Variants in RBFOX1 observed in about 807,000 individuals in gnomAD.
RBFOX1 encodes RNA binding protein fox-1 homolog 1.
A neutral mutation model predicts 57.7 loss-of-function variants in RBFOX1; 8 were observed. The ratio of observed to expected loss-of-function variants is 0.14; its 90% CI spans 0.08 to 0.25. The LOEUF (loss-of-function observed/expected upper bound fraction) is 0.25, where lower values mean the gene tolerates loss of function less well. Ranked by LOEUF, RBFOX1 falls within the 10% of genes least tolerant of loss-of-function variation. RBFOX1 has a pLI of 1.00. For synonymous variants in RBFOX1, 326 were observed against 222.4 expected (o/e 1.47, Z -4.15); for missense variants, 611 against 548.5 (o/e 1.11, Z -1.14).
At chr16:6,377,330 C>A (rs963174140) in intron 2 of RBFOX1, among the ~76,000 whole-genome samples, 1 of 151,748 alleles carries the variant, frequency 6.6e-6, no homozygotes. Flanking sequence ...GTATTTAGGC[C>A]TCATCTTAAT....
At chr16:6,489,652 G>T (rs1187860880) in intron 2 of RBFOX1, among the ~76,000 whole-genome samples, 1 of 152,146 alleles carries the variant, frequency 6.6e-6, no homozygotes. Context: ...GACGTTTTTA[G>T]TCTCATTTTG....
At chr16:7,188,966 A>C (rs1237288018) in intron 4 of RBFOX1, among the ~76,000 whole-genome samples, 2 of 152,110 alleles carry the variant, frequency 1.3e-5, no homozygotes, top group African/African-American at 4.8e-5. Context: ...AGCTTGATAA[A>C]CCACTCAAGG....
chr16:7,437,568 T>G (rs756500158), intron 4 of RBFOX1, among the ~76,000 whole-genome samples: 1 of 152,188 alleles, frequency 6.6e-6, no homozygotes, highest in Non-Finnish European at 1.5e-5. Flanking sequence ...CAAAATTTCA[T>G]GTATTTGCAA....
chr16:7,265,302 A>T (rs977016170), intron 4 of RBFOX1, among the ~76,000 whole-genome samples: 2 of 151,724 alleles, frequency 1.3e-5, no homozygotes, highest in African/African-American at 4.8e-5. Context: ...TGGCTTATGG[A>T]TGGTGGCCTT....
intron 10 of RBFOX1, among the ~76,000 whole-genome samples, chr16:7,615,157 C>A (rs975875594): frequency 6.6e-6 from 1 of 152,092 alleles, no homozygotes; most frequent in African/African-American, 2.4e-5. Flanking sequence ...TACGGTGAAA[C>A]CCCATCTCTA....
At chr16:7,311,620 C>CAT (rs1280986827) in intron 4 of RBFOX1, among the ~76,000 whole-genome samples, 2 of 151,956 alleles carry the variant, frequency 1.3e-5, no homozygotes, top group African/African-American at 4.8e-5. Context: ...TGAAGCCAGG[C>CAT]ACGGGGCAAG....
chr16:6,861,230 G>C (rs1312820302), intron 3 of RBFOX1, among the ~76,000 whole-genome samples: 1 of 152,124 alleles, frequency 6.6e-6, no homozygotes, highest in African/African-American at 2.4e-5. Context: ...GTGTGTATTT[G>C]CATGCTGAGT....
intron 3 of RBFOX1, among the ~76,000 whole-genome samples, chr16:6,917,961 C>G (rs1175832410): frequency 6.6e-6 from 1 of 152,120 alleles, no homozygotes; most frequent in Non-Finnish European, 1.5e-5. Context: ...TCAGGGTAGC[C>G]TACAGGAGAG....
At chr16:6,962,200 A>C (rs11642966) in intron 3 of RBFOX1, among the ~76,000 whole-genome samples, 203 of 151,876 alleles carry the variant, frequency 1.3e-3, no homozygotes, top group African/African-American at 4.7e-3. Flanking sequence ...AATGACTCCA[A>C]CTCTGCTTGT....
intron 2 of RBFOX1, among the ~76,000 whole-genome samples, chr16:5,574,363 G>A (rs567602576): frequency 1.4e-4 from 21 of 152,096 alleles, no homozygotes; most frequent in African/African-American, 5.1e-4. Flanking sequence ...ATCCAAGCCC[G>A]CCTTGCCACA....
At chr16:7,270,998 C>T (rs930230608) in intron 4 of RBFOX1, among the ~76,000 whole-genome samples, 1 of 152,136 alleles carries the variant, frequency 6.6e-6, no homozygotes, top group Non-Finnish European at 1.5e-5. Flanking sequence ...AAGTTGGGGC[C>T]TGTGTCTTTA....
In RBFOX1 at chr16:6,947,458, C is replaced by G. The variant is rs576972907; in HGVS notation, c.-15-104599C>G. On this transcript the variant is annotated intron_variant, in intron 3 of 15. Transcript: ENST00000550418. Reference sequence around the variant, plus strand: ...CTTCAACTGGCCGTATTTCATCCGGCTGAGAACATATGTTCTTGGGAAGGA... The same window carrying G: ...CTTCAACTGGCCGTATTTCATCCGGGTGAGAACATATGTTCTTGGGAAGGA... 1.2e-4 allele frequency among the ~76,000 whole-genome samples: 18 copies of G among 152,294 alleles called. 1 individual carries two copies. The highest frequency in any genetic ancestry group is 3.8e-4 in the African/African-American group (16 of 41,562).
chr16:6,332,706 C>G (rs1022783862), intron 2 of RBFOX1, among the ~76,000 whole-genome samples: 6 of 152,186 alleles, frequency 3.9e-5, no homozygotes, highest in African/African-American at 1.2e-4. Flanking sequence ...GAAAAATTCC[C>G]TCTCCTAACC....
chr16:6,411,652 A>C (rs533227043), intron 2 of RBFOX1, among the ~76,000 whole-genome samples: 43 of 152,362 alleles, frequency 2.8e-4, no homozygotes, highest in Non-Finnish European at 5.0e-4. Flanking sequence ...TAAAAGTGAG[A>C]AAATGAAAAT....
intron 4 of RBFOX1, among the ~76,000 whole-genome samples, chr16:7,362,944 CA>C (rs1281841347): frequency 6.6e-6 from 1 of 152,090 alleles, no homozygotes; most frequent in Non-Finnish European, 1.5e-5. Context: ...TGACCTTGGA[CA>C]AGTCACTTAG....
At chr16:6,224,483 A>G (rs931407364) in intron 1 of RBFOX1, among the ~76,000 whole-genome samples, 2 of 152,168 alleles carry the variant, frequency 1.3e-5, no homozygotes, top group Admixed American at 6.5e-5. Context: ...TTGCTGGTCT[A>G]TGGACCACAC....
intron 2 of RBFOX1, among the ~76,000 whole-genome samples, chr16:5,523,432 T>G (rs35903548): frequency 6.6e-6 from 1 of 151,690 alleles, no homozygotes; most frequent in Non-Finnish European, 1.5e-5. Flanking sequence ...CTGAACAAGA[T>G]GGTGAAACCC....
chr16:5,950,301 C>A lies in RBFOX1; in HGVS notation c.351+82966C>A, dbSNP rs548023949. Among the ~76,000 whole-genome samples, 3 of 152,314 alleles carry A rather than the reference C, an allele frequency of 2.0e-5. No individual in the cohort carries two copies. In the South Asian group the frequency reaches 6.2e-4, roughly 32 times the overall value. ...CTGCCTAGACTGAACACCCAGGAAG[C>A]CAGCCCTGCCATGGGCTGATATTGA... On this transcript the variant is annotated intron_variant, in intron 4 of 19. Coordinates refer to the RBFOX1 transcript ENST00000641259.
At chr16:6,697,924 T>C (rs2061295500) in intron 3 of RBFOX1, among the ~76,000 whole-genome samples, 2 of 152,196 alleles carry the variant, frequency 1.3e-5, no homozygotes, top group Non-Finnish European at 2.9e-5. Flanking sequence ...GTCTCTTTTT[T>C]TAAAACATCT....
Sources: gnomAD v4.1 joint callset for allele counts (sites outside exome capture counted in the v4.1 genomes callset) on GRCh38, gnomAD v4.1.1 for gene constraint, MANE v1.5 for transcripts, NCBI Gene and HGNC (gene_info 2026-07-23, HGNC 2026-07-21) for gene names.